The following ADGRL2 variants were observed in gnomAD, a reference collection of about 807,000 sequenced individuals.
The protein encoded by ADGRL2 is calcium-independent alpha-latrotoxin receptor 2.
ADGRL2 carries 44 observed loss-of-function variants against 157.4 expected under a neutral mutation model. The observed-to-expected ratio is 0.28, with a 90% confidence interval of 0.22 to 0.36. The LOEUF is 0.36. Ranked by LOEUF, ADGRL2 falls within the 10% of genes least tolerant of loss-of-function variation. ADGRL2 has a pLI of 1.00. For synonymous variants in ADGRL2, 585 were observed against 624.7 expected, an observed-to-expected ratio of 0.94 and a Z score of 0.95; for missense variants, 1,510 against 1,768.9, an observed-to-expected ratio of 0.85 and a Z score of 2.63.
At chr1:81,667,891 A>G (rs117355866) in intron 3 of ADGRL2, among the ~76,000 whole-genome samples, 2 of 152,150 alleles carry the variant, frequency 1.3e-5, no homozygotes, top group Non-Finnish European at 2.9e-5. Context: ...GATCTATGTG[A>G]TTTATGCACC....
intron 3 of ADGRL2, among the ~76,000 whole-genome samples, chr1:81,932,254 A>T (rs2095244207): frequency 6.6e-6 from 1 of 152,282 alleles, no homozygotes; most frequent in African/African-American, 2.4e-5. Flanking sequence ...CTTATCTGTT[A>T]AAAAATTGGT....
At chr1:81,667,233 A>C (rs12565266) in intron 3 of ADGRL2, among the ~76,000 whole-genome samples, 33,172 of 152,156 alleles carry the variant, frequency 0.22, 4,020 homozygotes, top group South Asian at 0.33. Flanking sequence ...TTGGGGATAA[A>C]ATCAGACAGG....
intron 1 of ADGRL2, among the ~76,000 whole-genome samples, chr1:81,717,181 T>G (rs2084146246): frequency 1.3e-5 from 2 of 152,222 alleles, no homozygotes; most frequent in Non-Finnish European, 2.9e-5. Flanking sequence ...TGTCTGCTTC[T>G]GGAACATTTG....
At chr1:81,367,610 A>AGTGATCACT (rs1557632793) in intron 1 of ADGRL2, among the ~76,000 whole-genome samples, 3 of 151,894 alleles carry the variant, frequency 2.0e-5, no homozygotes, top group Admixed American at 6.6e-5. Flanking sequence ...CCCAGGCTGG[A>AGTGATCACT]GCGCAATGGC....
At chr1:81,649,871 C>T (rs1246779476) in intron 3 of ADGRL2, among the ~76,000 whole-genome samples, 2 of 152,126 alleles carry the variant, frequency 1.3e-5, no homozygotes, top group Non-Finnish European at 2.9e-5. Flanking sequence ...TTGTACTCTG[C>T]CACTAAGGAA....
chr1:81,937,843 A>C (rs1485564207), intron 4 of ADGRL2, among the ~76,000 whole-genome samples: 1 of 151,780 alleles, frequency 6.6e-6, no homozygotes, highest in Non-Finnish European at 1.5e-5. Context: ...TGACAGATTT[A>C]TATGTTCAAA....
chr1:81,926,219 T>C (rs894450216), intron 3 of ADGRL2, among the ~76,000 whole-genome samples: 1 of 152,014 alleles, frequency 6.6e-6, no homozygotes, highest in African/African-American at 2.4e-5. Flanking sequence ...GAATAGAGTA[T>C]GAAAATCGAA....
At chr1:81,312,080 TG>T (rs1659792136) in intron 1 of ADGRL2, among the ~76,000 whole-genome samples, 1 of 152,238 alleles carries the variant, frequency 6.6e-6, no homozygotes, top group Admixed American at 6.5e-5. Context: ...AATTATTCTT[TG>T]TCCTGAAACT....
chr1:81,779,231 A>G (rs1353406184), intron 2 of ADGRL2, among the ~76,000 whole-genome samples: 1 of 152,188 alleles, frequency 6.6e-6, no homozygotes, highest in Non-Finnish European at 1.5e-5. Flanking sequence ...ATGTAAAATA[A>G]TGGCAATCAG....
intron 3 of ADGRL2, among the ~76,000 whole-genome samples, chr1:81,655,060 C>G (rs577901920): frequency 2.9e-4 from 44 of 152,298 alleles, no homozygotes; most frequent in African/African-American, 8.9e-4. Context: ...GCCTCGCCCC[C>G]CTGCGATGGG....
chr1:81,605,058 T>A (rs1207937505), intron 3 of ADGRL2, among the ~76,000 whole-genome samples: 1 of 152,120 alleles, frequency 6.6e-6, no homozygotes, highest in African/African-American at 2.4e-5. Context: ...AAATTCACTG[T>A]CCAGAGTACT....
chr1:81,939,416 AT>A (rs1458539066), intron 4 of ADGRL2, among the ~76,000 whole-genome samples: 4 of 151,522 alleles, frequency 2.6e-5, no homozygotes, highest in African/African-American at 4.8e-5. Flanking sequence ...TTTGGTTTTG[AT>A]TTTTGTACCT....
rs1360850462 is a variant in ADGRL2, at chr1:81,990,637, T to C, written c.3902T>C (p.Ile1301Thr). The change falls in exon 24 of 24, where the codon ATT becomes ACT. Residue 1301 changes from isoleucine to threonine, a missense_variant. Around this residue, in one of 4 missense-constraint regions of ADGRL2, gnomAD observed 327 missense variants for 310.1 expected, o/e 1.05. Transcript: ENST00000686636. ...LELTLPVKPV[I>T]GGSSSEDDAI... is the part of the protein sequence containing the mutation. The stretch of plus-strand genomic sequence containing the variant: ...CTCACGCTACCAGTCAAACCTGTGA[T>C]TGGAGGTAGCAGCAGTGAAGATGAT... 3 of 1,614,130 alleles carry C rather than the reference T, an allele frequency of 1.9e-6. No individual in the cohort carries two copies. Among genetic ancestry groups the C allele is most frequent in the Non-Finnish European group, 2.5e-6 (3 of 1,180,022 alleles).
At chr1:81,569,147 A>G (rs2080629091) in intron 2 of ADGRL2, among the ~76,000 whole-genome samples, 1 of 152,210 alleles carries the variant, frequency 6.6e-6, no homozygotes, top group Admixed American at 6.5e-5. Flanking sequence ...AATAATAATT[A>G]AAAGTGAATA....
At chr1:81,917,848 A>T (rs1227755267) in intron 3 of ADGRL2, among the ~76,000 whole-genome samples, 1 of 143,386 alleles carries the variant, frequency 7.0e-6, no homozygotes, top group African/African-American at 2.5e-5. Flanking sequence ...AGATAGATTC[A>T]TGGTAAACCC....
At chr1:81,316,723 C>G (rs1181637735) in intron 1 of ADGRL2, among the ~76,000 whole-genome samples, 3 of 152,130 alleles carry the variant, frequency 2.0e-5, no homozygotes, top group African/African-American at 4.8e-5. Context: ...GCTGGATGAT[C>G]ATTAAATATT....
At chr1:81,935,128 A>C (rs1173250999) in intron 3 of ADGRL2, among the ~76,000 whole-genome samples, 1 of 152,000 alleles carries the variant, frequency 6.6e-6, no homozygotes, top group African/African-American at 2.4e-5. Context: ...AGGTTCTGTG[A>C]TTCATGTTAA....
At chr1:81,356,712 T>A (rs540311182) in intron 1 of ADGRL2, among the ~76,000 whole-genome samples, 1 of 151,958 alleles carries the variant, frequency 6.6e-6, no homozygotes, top group Non-Finnish European at 1.5e-5. Flanking sequence ...CCAGCACTTT[T>A]GGAGGCCGAG....
At chr1:81,534,679 G>T (rs902339012) in intron 2 of ADGRL2, among the ~76,000 whole-genome samples, 1 of 152,118 alleles carries the variant, frequency 6.6e-6, no homozygotes, top group Non-Finnish European at 1.5e-5. Context: ...CAGATGCCTA[G>T]CAAGGTTTTC....
Sources: gnomAD v4.1 joint callset for allele counts (sites outside exome capture counted in the v4.1 genomes callset) on GRCh38, gnomAD v4.1.1 for gene constraint, gnomAD v4.1.1 regional missense constraint, MANE v1.5 for transcripts, NCBI Gene and HGNC (gene_info 2026-07-23, HGNC 2026-07-21) for gene names.